Variants in SH3GL2 observed in about 807,000 individuals in gnomAD.
The protein encoded by SH3GL2 is endophilin-A1.
Under a neutral mutation model 46.0 loss-of-function variants are expected in SH3GL2, and 24 were observed. That is an observed-to-expected ratio of 0.52 (90% CI 0.38 to 0.73). The LOEUF (loss-of-function observed/expected upper bound fraction) is 0.73. Ranked by LOEUF, SH3GL2 falls within the 30% of genes least tolerant of loss-of-function variation. The pLI is 0.00. For synonymous variants in SH3GL2, 196 were observed against 147.1 expected (o/e 1.33, Z -2.40); for missense variants, 413 against 424.2 (o/e 0.97, Z 0.23).
Position 17,579,116 on chromosome 9 carries a change from C to A in SH3GL2, c.-127C>A, listed in dbSNP as rs1005061617. ...CGTGTCCCGCTAGGCTCCGCGCCCT[C>A]GCGCCCATAGCCCCGGCGGCGGCAC... On this transcript the variant is annotated 5_prime_UTR_variant, in exon 1 of 9. Transcript: ENST00000380607. 3.6e-6 allele frequency: 2 copies of A among 559,754 alleles called. No individual in the cohort carries two copies. The highest frequency in any genetic ancestry group is 5.4e-5 in the South Asian group (2 of 36,752). The allele number at this position is 559,754 out of a possible 1,614,324, so 34.7% of individuals were successfully genotyped here.
intron 1 of SH3GL2, among the ~76,000 whole-genome samples, chr9:17,684,095 C>A (rs1288875429): frequency 2.0e-5 from 3 of 152,004 alleles, no homozygotes; most frequent in Non-Finnish European, 4.4e-5. Context: ...AGAAACAAAG[C>A]AATCAATAGA....
At chr9:17,623,242 C>A (rs1819198840) in intron 1 of SH3GL2, among the ~76,000 whole-genome samples, 1 of 151,948 alleles carries the variant, frequency 6.6e-6, no homozygotes, top group Non-Finnish European at 1.5e-5. Context: ...TGTCTAAGGT[C>A]CCTACGATAC....
At chr9:17,665,579 A>T (rs879772306) in intron 1 of SH3GL2, among the ~76,000 whole-genome samples, 3 of 152,056 alleles carry the variant, frequency 2.0e-5, no homozygotes, top group Non-Finnish European at 4.4e-5. Context: ...ATTACTGTCA[A>T]CATTTATTCT....
intron 1 of SH3GL2, among the ~76,000 whole-genome samples, chr9:17,592,933 C>T (rs558989555): frequency 1.8e-4 from 28 of 152,244 alleles, no homozygotes; most frequent in African/African-American, 6.5e-4. Context: ...AAGTGGATCA[C>T]CAAAGGCCGG....
At chr9:17,790,214 G>A (rs1824084234) in intron 6 of SH3GL2, among the ~76,000 whole-genome samples, 1 of 152,166 alleles carries the variant, frequency 6.6e-6, no homozygotes, top group African/African-American at 2.4e-5. Flanking sequence ...CCTGAGCTGA[G>A]TGGGTGGTCT....
chr9:17,761,493 C>A lies in SH3GL2; in HGVS notation c.171C>A (p.Tyr57Ter), dbSNP rs763893552. Residue 57 changes from tyrosine (Y) to a stop codon, truncating the protein, a stop_gained, in exon 3 of 9, where the codon TAC (tyrosine) becomes TAA (stop). Coordinates refer to ENST00000380607, the MANE Select transcript of SH3GL2 (RefSeq NM_003026.5). LOFTEE classifies it high-confidence loss of function. Reference protein sequence around the residue: ...VMEIMTKTIEYLQPNPASRAK... With the variant: ...VMEIMTKTIE Reference sequence around the variant, plus strand: ...AAATAATGACTAAAACAATTGAATACCTTCAACCCAATCCAGGTAAGGCAT... The same window carrying A: ...AAATAATGACTAAAACAATTGAATAACTTCAACCCAATCCAGGTAAGGCAT... 6.3e-7 allele frequency: 1 copy of A among 1,594,984 alleles called. No individual in the cohort carries two copies. Among genetic ancestry groups the A allele is most frequent in the Non-Finnish European group, 8.6e-7 (1 of 1,162,538 alleles).
chr9:17,789,126 G>C (rs1486565607), intron 5 of SH3GL2, among the ~76,000 whole-genome samples: 1 of 152,246 alleles, frequency 6.6e-6, no homozygotes, highest in East Asian at 1.9e-4. Context: ...CTTGGCTTTG[G>C]CCTGACAAGG....
chr9:17,637,524 A>T (rs1254509597), intron 1 of SH3GL2, among the ~76,000 whole-genome samples: 1 of 152,216 alleles, frequency 6.6e-6, no homozygotes, highest in Non-Finnish European at 1.5e-5. Context: ...GAATAAATTC[A>T]TATAAAAGAC....
chr9:17,734,818 G>A (rs1333300980), intron 1 of SH3GL2, among the ~76,000 whole-genome samples: 1 of 152,036 alleles, frequency 6.6e-6, no homozygotes, highest in African/African-American at 2.4e-5. Flanking sequence ...AAGGAGCCTG[G>A]GCAGTGAAGG....
chr9:17,698,220 T>A lies in SH3GL2; in HGVS notation c.46-48846T>A, dbSNP rs369421918. On this transcript the variant is annotated intron_variant, in intron 1 of 8. Coordinates refer to ENST00000380607, the MANE Select transcript of SH3GL2 (RefSeq NM_003026.5). ...CAGTCACTTGTCACTTTGGTCAACATCTTAAGGCCTCCAGGCTTCAGTTAC... is the reference window on the plus strand; with the variant it reads ...CAGTCACTTGTCACTTTGGTCAACAACTTAAGGCCTCCAGGCTTCAGTTAC... Among the ~76,000 whole-genome samples, 15 of 152,304 alleles carry A rather than the reference T, an allele frequency of 9.8e-5. No individual in the cohort carries two copies. The East Asian group carries it at 1.7e-3, about 18-fold the overall frequency.
chr9:17,736,748 T>A (rs924826399), intron 1 of SH3GL2, among the ~76,000 whole-genome samples: 1 of 152,124 alleles, frequency 6.6e-6, no homozygotes, highest in Non-Finnish European at 1.5e-5. Flanking sequence ...CTGAAGTGCC[T>A]ACCTTGAATG....
At chr9:17,746,961 T>C (rs1822706914) in intron 1 of SH3GL2, 105 bp from the exon 2 acceptor site, 2 of 734,408 alleles carry the variant, frequency 2.7e-6, no homozygotes, top group Non-Finnish European at 4.6e-6. Context: ...CAGGGAATGG[T>C]TGTGAGATTA....
In SH3GL2 at chr9:17,696,653, A is replaced by G. The variant is rs143522945; in HGVS notation, c.46-50413A>G. Among the ~76,000 whole-genome samples, 17 of 152,294 alleles carry G rather than the reference A, an allele frequency of 1.1e-4. No individual in the cohort carries two copies. The East Asian group carries it at 3.1e-3, about 28-fold the overall frequency. On this transcript the variant is annotated intron_variant, in intron 1 of 8. Coordinates refer to ENST00000380607, the MANE Select transcript of SH3GL2 (RefSeq NM_003026.5). ...CAGATCTCATGAAAACTCACTCACTATAATGAAAACAGCATGGGGGAACTG... is the reference window on the plus strand; with the variant it reads ...CAGATCTCATGAAAACTCACTCACTGTAATGAAAACAGCATGGGGGAACTG...
intron 1 of SH3GL2, among the ~76,000 whole-genome samples, chr9:17,643,730 T>A (rs1371850561): frequency 6.6e-6 from 1 of 152,202 alleles, no homozygotes; most frequent in Non-Finnish European, 1.5e-5. Context: ...CTGGATTCGG[T>A]TTGTCAGTAT....
At chr9:17,709,735 C>G (rs778325462) in intron 1 of SH3GL2, among the ~76,000 whole-genome samples, 1 of 150,744 alleles carries the variant, frequency 6.6e-6, no homozygotes, top group East Asian at 1.9e-4. Context: ...TATTCTGTCT[C>G]CCCTGTTACT....
At chr9:17,668,753 C>G (rs1331534355) in intron 1 of SH3GL2, among the ~76,000 whole-genome samples, 1 of 152,116 alleles carries the variant, frequency 6.6e-6, no homozygotes. Flanking sequence ...AAGTCCTGGA[C>G]TCTGGTGATC....
chr9:17,611,104 T>C (rs1210333123), intron 1 of SH3GL2, among the ~76,000 whole-genome samples: 1 of 152,230 alleles, frequency 6.6e-6, no homozygotes, highest in East Asian at 1.9e-4. Flanking sequence ...AGAACTTCTT[T>C]AATTTTTGAT....
chr9:17,674,322 A>G (rs1820551226), intron 1 of SH3GL2, among the ~76,000 whole-genome samples: 1 of 152,096 alleles, frequency 6.6e-6, no homozygotes, highest in Non-Finnish European at 1.5e-5. Context: ...GCTGGAGTGC[A>G]GTGGTGTGAT....
chr9:17,656,610 A>G (rs959526440), intron 1 of SH3GL2, among the ~76,000 whole-genome samples: 3 of 152,110 alleles, frequency 2.0e-5, no homozygotes, highest in Non-Finnish European at 4.4e-5. Flanking sequence ...CATGCAAAGA[A>G]GAAATAACTG....
Sources: allele counts gnomAD v4.1 joint callset (sites outside exome capture counted in the v4.1 genomes callset), GRCh38; gene constraint gnomAD v4.1.1; transcripts MANE v1.5; gene names NCBI Gene and HGNC (gene_info 2026-07-23, HGNC 2026-07-21).